The following SPATA16 variants were observed in gnomAD, a reference collection of about 807,000 sequenced individuals.
SPATA16 encodes the protein spermatogenesis associated 16.
A neutral mutation model predicts 63.3 loss-of-function variants in SPATA16; 36 were observed. That is an observed-to-expected ratio of 0.57 (90% CI 0.44 to 0.75). SPATA16 has a LOEUF of 0.75. Among genes scored for constraint, SPATA16 ranks in the 30% least tolerant of loss-of-function variants. SPATA16 has a pLI of 0.00. For synonymous variants in SPATA16, 203 were observed against 216.7 expected (o/e 0.94, Z 0.56); for missense variants, 646 against 679.3 (o/e 0.95, Z 0.54).
At chr3:173,076,361 C>T (rs915331338) in intron 2 of SPATA16, among the ~76,000 whole-genome samples, 13 of 151,906 alleles carry the variant, frequency 8.6e-5, no homozygotes, top group Admixed American at 2.0e-4. Flanking sequence ...TAATCCACGC[C>T]GTTACACCAG....
intron 3 of SPATA16, among the ~76,000 whole-genome samples, chr3:173,036,377 C>T (rs1286102467): frequency 6.6e-6 from 1 of 151,968 alleles, no homozygotes; most frequent in Non-Finnish European, 1.5e-5. Flanking sequence ...TAAGACTTTT[C>T]TGATGAGGTC....
At chr3:172,980,542 A>G (rs1209770636) in intron 4 of SPATA16, among the ~76,000 whole-genome samples, 1 of 152,110 alleles carries the variant, frequency 6.6e-6, no homozygotes, top group Non-Finnish European at 1.5e-5. Context: ...AACATCTGCT[A>G]ATTTTGAGCC....
intron 3 of SPATA16, among the ~76,000 whole-genome samples, chr3:173,028,419 T>A (rs1735519075): frequency 6.6e-6 from 1 of 151,916 alleles, no homozygotes; most frequent in South Asian, 2.1e-4. Context: ...AAATAAGGAA[T>A]CTAATGAAAT....
intron 3 of SPATA16, among the ~76,000 whole-genome samples, chr3:173,021,374 G>A (rs1048082106): frequency 6.6e-6 from 1 of 152,164 alleles, no homozygotes; most frequent in African/African-American, 2.4e-5. Flanking sequence ...AGTTAATGAG[G>A]TTTTACTGTA....
At chr3:173,067,347 A>G (rs1736545828) in intron 2 of SPATA16, among the ~76,000 whole-genome samples, 2 of 152,222 alleles carry the variant, frequency 1.3e-5, no homozygotes, top group South Asian at 4.1e-4. Flanking sequence ...TGGGAACAGA[A>G]AACAAATACC....
At chr3:173,044,829 T>C (rs1205875374) in intron 3 of SPATA16, among the ~76,000 whole-genome samples, 4 of 152,128 alleles carry the variant, frequency 2.6e-5, no homozygotes, top group African/African-American at 9.7e-5. Flanking sequence ...CTTGTTCTTG[T>C]GAAGCTTAGT....
chr3:173,085,704 A>T (rs1737033738), intron 2 of SPATA16, among the ~76,000 whole-genome samples: 1 of 152,110 alleles, frequency 6.6e-6, no homozygotes, highest in Non-Finnish European at 1.5e-5. Context: ...CACCTAGTTT[A>T]TTGAGAGTTT....
intron 1 of SPATA16, among the ~76,000 whole-genome samples, chr3:173,123,256 C>T (rs960758679): frequency 6.6e-6 from 1 of 152,158 alleles, no homozygotes; most frequent in Non-Finnish European, 1.5e-5. Context: ...GACAACAACT[C>T]TTTTGCATAA....
chr3:173,135,630 C>A (rs1037237548), intron 1 of SPATA16, among the ~76,000 whole-genome samples: 1 of 152,140 alleles, frequency 6.6e-6, no homozygotes, highest in African/African-American at 2.4e-5. Context: ...CAACTACAAG[C>A]AACCACATGG....
At chr3:173,138,319 G>C (rs1031196712) in intron 1 of SPATA16, among the ~76,000 whole-genome samples, 4 of 152,156 alleles carry the variant, frequency 2.6e-5, no homozygotes, top group Admixed American at 2.6e-4. Flanking sequence ...ACCAGGTTGA[G>C]TGCCAGTAAC....
intron 10 of SPATA16, among the ~76,000 whole-genome samples, chr3:172,900,772 C>A (rs1732112117): frequency 6.6e-6 from 1 of 152,004 alleles, no homozygotes; most frequent in South Asian, 2.1e-4. Flanking sequence ...TCCTGAGTAG[C>A]TGGGATTATA....
intron 7 of SPATA16, 71 bp downstream of exon 7, chr3:172,925,275 A>T (rs1732701881): frequency 6.4e-7 from 1 of 1,564,762 alleles, no homozygotes; most frequent in East Asian, 2.3e-5. Flanking sequence ...ATTTTAACTC[A>T]AACATTTTTT....
chr3:172,938,020 C>A (rs575600198), intron 6 of SPATA16, among the ~76,000 whole-genome samples: 1 of 152,104 alleles, frequency 6.6e-6, no homozygotes, highest in African/African-American at 2.4e-5. Context: ...TCAGATGAAG[C>A]AGCTGATATG....
At chr3:172,890,950 C>CAT (rs1368964541) in intron 10 of SPATA16, among the ~76,000 whole-genome samples, 75 of 138,932 alleles carry the variant, frequency 5.4e-4, no homozygotes, top group African/African-American at 1.7e-3. Context: ...CTATGTATTC[C>CAT]ATATATATAT....
chr3:173,003,001 AT>A (rs971255883), intron 4 of SPATA16, among the ~76,000 whole-genome samples: 2 of 152,130 alleles, frequency 1.3e-5, no homozygotes, highest in Non-Finnish European at 2.9e-5. Context: ...ATTGAAGAAG[AT>A]TTTTTTAAAC....
intron 2 of SPATA16, among the ~76,000 whole-genome samples, chr3:173,070,592 A>G (rs1476372502): frequency 2.0e-5 from 3 of 152,202 alleles, no homozygotes; most frequent in Admixed American, 1.3e-4. Flanking sequence ...AAAAACTGTT[A>G]GAACTGATAA....
intron 1 of SPATA16, among the ~76,000 whole-genome samples, chr3:173,140,783 A>T (rs546744248): frequency 6.6e-6 from 1 of 152,292 alleles, no homozygotes; most frequent in Admixed American, 6.5e-5. Context: ...AAAACAAAAA[A>T]TCTGTTATTG....
intron 4 of SPATA16, among the ~76,000 whole-genome samples, chr3:172,977,844 T>C (rs1017176620): frequency 1.3e-5 from 2 of 152,152 alleles, no homozygotes; most frequent in Non-Finnish European, 2.9e-5. Context: ...ACCTAATCAC[T>C]AGTACCAAAA....
chr3:172,897,165 G>A (rs1732025659), intron 10 of SPATA16, among the ~76,000 whole-genome samples: 1 of 151,936 alleles, frequency 6.6e-6, no homozygotes, highest in Non-Finnish European at 1.5e-5. Context: ...TTTTATTTTT[G>A]GTCTACAGAT....
Sources: gnomAD v4.1 joint callset for allele counts (sites outside exome capture counted in the v4.1 genomes callset) on GRCh38, gnomAD v4.1.1 for gene constraint, MANE v1.5 for transcripts, NCBI Gene and HGNC (gene_info 2026-07-23, HGNC 2026-07-21) for gene names.